The following CDH17 variants were observed in gnomAD, a reference collection of about 807,000 sequenced individuals.
The protein encoded by CDH17 is cadherin 17.
CDH17 carries 67 observed loss-of-function variants against 86.3 expected under a neutral mutation model. The ratio of observed to expected loss-of-function variants is 0.78; its 90% CI spans 0.64 to 0.95. The LOEUF (loss-of-function observed/expected upper bound fraction) is 0.95. Among genes scored for constraint, CDH17 ranks in the 40% least tolerant of loss-of-function variants. CDH17 has a pLI of 0.00. For missense variants in CDH17, 993 were observed against 1,017.6 expected, an observed-to-expected ratio of 0.98 and a Z score of 0.33; for synonymous variants, 367 against 366.4, an observed-to-expected ratio of 1.00 and a Z score of -0.02.
At chr8:94,189,660 T>G (rs927657880) in intron 2 of CDH17, among the ~76,000 whole-genome samples, 1 of 152,184 alleles carries the variant, frequency 6.6e-6, no homozygotes, top group African/African-American at 2.4e-5. Flanking sequence ...ATTATATATG[T>G]TTTTACTCCA....
Position 94,127,868 on chromosome 8 carries a change from C to A in CDH17, c.*372G>T. 1 of 201,638 alleles carries A rather than the reference C, an allele frequency of 5.0e-6. No individual in the cohort carries two copies. Among genetic ancestry groups the A allele is most frequent in the Non-Finnish European group, 1.0e-5 (1 of 99,006 alleles). 12.5% of individuals were successfully genotyped at this position (201,638 alleles called of 1,614,324 possible). A position where few individuals can be genotyped will look rare whatever the true frequency, so the allele number is the denominator to read the frequency against. On this transcript the variant is annotated 3_prime_UTR_variant, in exon 18 of 18. Coordinates refer to ENST00000027335, the MANE Select transcript of CDH17 (RefSeq NM_004063.4). Reference sequence around the variant, plus strand: ...GCCTGTATTGGGAGACCAAGGCAGGCAGATCACTTGACGTCAGGAGTTCAA... The same window carrying A: ...GCCTGTATTGGGAGACCAAGGCAGGAAGATCACTTGACGTCAGGAGTTCAA...
intron 3 of CDH17, among the ~76,000 whole-genome samples, chr8:94,186,148 A>C (rs1461154911): frequency 1.3e-5 from 2 of 152,134 alleles, no homozygotes; most frequent in Non-Finnish European, 2.9e-5. Flanking sequence ...CTCCTGACCC[A>C]TATTAACACT....
intron 15 of CDH17, among the ~76,000 whole-genome samples, chr8:94,140,348 T>C (rs2513804): frequency 0.29 from 43,350 of 151,960 alleles, 6,670 homozygotes; most frequent in Middle Eastern, 0.43. Flanking sequence ...GAGGATCGTC[T>C]GAGCCCAGGA....
At chr8:94,136,853 TTG>T (rs1357623835) in intron 15 of CDH17, among the ~76,000 whole-genome samples, 2 of 152,210 alleles carry the variant, frequency 1.3e-5, no homozygotes, top group African/African-American at 4.8e-5. Context: ...TCCTTTCTGT[TTG>T]TTAGTTTTCC....
intron 1 of CDH17, among the ~76,000 whole-genome samples, chr8:94,195,478 T>C (rs1282416569): frequency 6.6e-6 from 1 of 152,250 alleles, no homozygotes; most frequent in Non-Finnish European, 1.5e-5. Context: ...CTTCTAGATA[T>C]TGTCATTACC....
chr8:94,188,404 C>T (rs1443013204), intron 3 of CDH17, among the ~76,000 whole-genome samples: 1 of 152,060 alleles, frequency 6.6e-6, no homozygotes, highest in Non-Finnish European at 1.5e-5. Flanking sequence ...AGGCACTTGC[C>T]TTAGAAGGTA....
intron 10 of CDH17, among the ~76,000 whole-genome samples, chr8:94,164,084 A>G (rs1813109757): frequency 6.6e-6 from 1 of 152,242 alleles, no homozygotes; most frequent in African/African-American, 2.4e-5. Flanking sequence ...ATGCAAATAA[A>G]CAATTTGTAA....
intron 2 of CDH17, among the ~76,000 whole-genome samples, chr8:94,191,166 G>A (rs12056840): frequency 0.37 from 55,512 of 151,774 alleles, 11,255 homozygotes; most frequent in Non-Finnish European, 0.48. Flanking sequence ...TTAAAAAAAA[G>A]GGTAGTTGTG....
intron 12 of CDH17, 48 bp downstream of exon 12, chr8:94,159,923 T>A: frequency 6.8e-7 from 1 of 1,466,914 alleles, no homozygotes; most frequent in Non-Finnish European, 9.3e-7. Flanking sequence ...CATTAGTAAA[T>A]TAACCCACAA....
intron 10 of CDH17, 48 bp from the exon 11 acceptor site, chr8:94,162,210 C>G: frequency 8.4e-7 from 1 of 1,186,924 alleles, no homozygotes; most frequent in Non-Finnish European, 1.2e-6. Context: ...GAAAACCATG[C>G]ATTAATATCA....
intron 10 of CDH17, among the ~76,000 whole-genome samples, chr8:94,162,447 C>T (rs1472544961): frequency 6.6e-6 from 1 of 152,190 alleles, no homozygotes; most frequent in Non-Finnish European, 1.5e-5. Flanking sequence ...AGGTTTGTTC[C>T]TGAGCAGGAT....
intron 15 of CDH17, among the ~76,000 whole-genome samples, chr8:94,131,477 G>A (rs1158298830): frequency 6.6e-6 from 1 of 152,144 alleles, no homozygotes; most frequent in African/African-American, 2.4e-5. Flanking sequence ...CCTGAACAAA[G>A]CTTATCAAAC....
chr8:94,144,483 C>T (rs1228217151), intron 15 of CDH17, among the ~76,000 whole-genome samples: 8 of 151,532 alleles, frequency 5.3e-5, no homozygotes, highest in South Asian at 2.1e-4. Flanking sequence ...CCATTGGGCA[C>T]GATAAAGCAA....
intron 1 of CDH17, among the ~76,000 whole-genome samples, chr8:94,203,690 T>C (rs1352410984): frequency 6.6e-6 from 1 of 152,162 alleles, no homozygotes; most frequent in East Asian, 1.9e-4. Flanking sequence ...AAGGACCCAA[T>C]TAAAGTGGCC....
intron 15 of CDH17, among the ~76,000 whole-genome samples, chr8:94,134,128 T>C (rs1812474519): frequency 6.6e-6 from 1 of 152,218 alleles, no homozygotes; most frequent in African/African-American, 2.4e-5. Context: ...GTTTTTGTTG[T>C]GTCTCTGCCA....
intron 15 of CDH17, among the ~76,000 whole-genome samples, chr8:94,134,983 T>G (rs923110107): frequency 7.2e-5 from 11 of 151,746 alleles, no homozygotes; most frequent in African/African-American, 2.4e-4. Context: ...GAGTGAGTTT[T>G]TGTCCTGAGT....
intron 10 of CDH17, among the ~76,000 whole-genome samples, chr8:94,163,577 T>C (rs1188295970): frequency 6.6e-6 from 1 of 152,244 alleles, no homozygotes; most frequent in Non-Finnish European, 1.5e-5. Context: ...CTTACTGTGC[T>C]TCACACCTCC....
chr8:94,148,626 T>A, intron 14 of CDH17, 118 bp downstream of exon 14: 1 of 680,514 alleles, frequency 1.5e-6, no homozygotes, highest in Non-Finnish European at 2.3e-6. Context: ...CACTTTAAGG[T>A]TGTGATATTC....
intron 15 of CDH17, among the ~76,000 whole-genome samples, chr8:94,140,015 A>AAGTT (rs1346718926): frequency 6.6e-6 from 1 of 152,242 alleles, no homozygotes; most frequent in East Asian, 1.9e-4. Context: ...ATTAAATTAG[A>AAGTT]AGTTAGAAAG....
Sources: allele counts gnomAD v4.1 joint callset (sites outside exome capture counted in the v4.1 genomes callset), GRCh38; gene constraint gnomAD v4.1.1; transcripts MANE v1.5; gene names NCBI Gene and HGNC (gene_info 2026-07-23, HGNC 2026-07-21).